RGS22: variants seen among roughly 807,000 people sequenced by gnomAD.
The protein encoded by RGS22 is regulator of G-protein signaling 22.
RGS22 carries 148 observed loss-of-function variants against 172.9 expected under a neutral mutation model. That is an observed-to-expected ratio of 0.86 (90% CI 0.75 to 0.98). RGS22 has a LOEUF of 0.98. Ranked by LOEUF, RGS22 falls within the 50% of genes least tolerant of loss-of-function variation. The pLI is 0.00. For missense variants in RGS22, 1,347 were observed against 1,440.8 expected (o/e 0.93, Z 1.05); for synonymous variants, 458 against 480.2 (o/e 0.95, Z 0.60).
chr8:99,990,280 A>G (rs547888521), intron 20 of RGS22, among the ~76,000 whole-genome samples: 41 of 152,250 alleles, frequency 2.7e-4, no homozygotes, highest in African/African-American at 9.6e-4. Flanking sequence ...AATAAAAAAT[A>G]ATTTTTTAAA....
intron 23 of RGS22, among the ~76,000 whole-genome samples, chr8:99,976,552 G>A (rs1223482323): frequency 3.9e-5 from 6 of 151,938 alleles, no homozygotes; most frequent in South Asian, 2.1e-4. Flanking sequence ...TAGTAGAGAC[G>A]GGGTTTCACC....
At position 100,008,405 on chromosome 8, in the gene RGS22, C is replaced by T; in HGVS notation, c.2331G>A (p.Met777Ile). The T allele has an allele frequency of 6.2e-7, 1 of 1,610,368 alleles. No homozygotes were observed. Among genetic ancestry groups the T allele is most frequent in the Non-Finnish European group, 8.5e-7 (1 of 1,179,266 alleles). ...TATAAGCAATTTGGTCCGATTTTAC[C>T]ATCTTTGTCCATGGCTCAAGAAGGA... ...LLLLLEPWTK[M>I]VKSDQIAYKK... Residue 777 changes from methionine to isoleucine, a missense_variant, in exon 15 of 28, where the codon ATG becomes ATA. Transcript: ENST00000360863.
chr8:100,025,197 T>C (rs1357379577), intron 14 of RGS22, among the ~76,000 whole-genome samples: 1 of 152,166 alleles, frequency 6.6e-6, no homozygotes, highest in Non-Finnish European at 1.5e-5. Context: ...GAACCCACTT[T>C]ACTAGCAAAC....
chr8:99,986,715 G>C (rs758619041), intron 21 of RGS22, among the ~76,000 whole-genome samples: 3 of 152,014 alleles, frequency 2.0e-5, no homozygotes, highest in Non-Finnish European at 4.4e-5. Context: ...TTAAGAATTT[G>C]GCTATTCTTT....
intron 18 of RGS22, 50 bp from the exon 19 acceptor site, chr8:99,999,470 C>T (rs771293097): frequency 1.4e-5 from 22 of 1,575,922 alleles, no homozygotes; most frequent in Middle Eastern, 1.7e-4. Flanking sequence ...CTAAAAGAAA[C>T]ACTAATAGTC....
chr8:100,041,603 C>T (rs1820127917), intron 12 of RGS22, among the ~76,000 whole-genome samples, 199 bp downstream of exon 12: 1 of 151,862 alleles, frequency 6.6e-6, no homozygotes, highest in Non-Finnish European at 1.5e-5. Flanking sequence ...GTAATCAATG[C>T]AGTATATAGA....
intron 15 of RGS22, among the ~76,000 whole-genome samples, chr8:100,007,872 G>A (rs952932422): frequency 6.6e-6 from 1 of 151,540 alleles, no homozygotes; most frequent in African/African-American, 2.4e-5. Context: ...ATTCAAGTGG[G>A]TAAATACTTT....
rs574180242 is a variant in RGS22, at chr8:100,020,290, C to T, written c.2167-11721G>A. ...CAGCCGCTAGGAAAAAGAGATATTC[C>T]ACAAAAGCCATGGCACTATTTCATA... On this transcript the variant is annotated intron_variant, in intron 14 of 27. Coordinates refer to ENST00000360863, the MANE Select transcript of RGS22 (RefSeq NM_015668.5). Among the ~76,000 whole-genome samples the T allele has an allele frequency of 9.9e-5, 15 of 152,242 alleles. No individual in the cohort carries two copies. The South Asian group carries it at 3.1e-3, about 32-fold the overall frequency.
Position 100,071,527 on chromosome 8 carries a change from A to G in RGS22, c.436T>C (p.Leu146=). 1.9e-6 allele frequency: 3 copies of G among 1,600,094 alleles called. No homozygotes were observed. The highest frequency in any genetic ancestry group is 2.6e-6 in the Non-Finnish European group (3 of 1,174,802). ...TTGCTCCATCTTACTTGTGAGACCA[A>G]TTTGGCTAACCTGCATTTTAGAAAT... ...DCYFEYRLAK[L]VSQVRWSKSG... The change falls in exon 6 of 28, where the codon TTG becomes CTG. Residue 146 remains leucine (L), a synonymous_variant. Transcript: ENST00000360863.
intron 14 of RGS22, among the ~76,000 whole-genome samples, chr8:100,017,138 T>G (rs1817077546): frequency 6.6e-6 from 1 of 151,842 alleles, no homozygotes; most frequent in Non-Finnish European, 1.5e-5. Context: ...GCTCCACTAA[T>G]TTTTAAAAAA....
chr8:100,028,343 C>A (rs1818398398), intron 14 of RGS22, among the ~76,000 whole-genome samples: 1 of 150,882 alleles, frequency 6.6e-6, no homozygotes, highest in African/African-American at 2.4e-5. Context: ...TCTAGGCTGC[C>A]AAGATACCAG....
intron 9 of RGS22, among the ~76,000 whole-genome samples, chr8:100,056,422 G>A (rs1294396765): frequency 6.6e-6 from 1 of 152,184 alleles, no homozygotes; most frequent in Non-Finnish European, 1.5e-5. Context: ...CCAAGACAAT[G>A]GAGAAAATGT....
chr8:100,067,501 C>A (rs1422471963), intron 6 of RGS22, among the ~76,000 whole-genome samples: 1 of 151,878 alleles, frequency 6.6e-6, no homozygotes, highest in Non-Finnish European at 1.5e-5. Context: ...TTCAGAGAGA[C>A]CAACATACAA....
In RGS22 at chr8:100,051,713, A is replaced by C. The variant is rs1399615021; in HGVS notation, c.1689+1089T>G. 7.7e-5 allele frequency among the ~76,000 whole-genome samples: 3 copies of C among 38,754 alleles called. 1 individual carries two copies. In the African/African-American group the frequency reaches 8.1e-4, roughly 10 times the overall value. 25.4% of individuals were successfully genotyped at this position (38,754 alleles called of 152,430 possible). On this transcript the variant is annotated intron_variant, in intron 10 of 27. Transcript: ENST00000360863. ...TATATTTATATATACGTATATATAAATATATATTTATATATACGTATATAT... is the reference window on the plus strand; with the variant it reads ...TATATTTATATATACGTATATATAACTATATATTTATATATACGTATATAT...
chr8:100,080,493 G>A (rs1224686824), intron 3 of RGS22, 138 bp from the exon 4 acceptor site: 1 of 667,564 alleles, frequency 1.5e-6, no homozygotes, highest in East Asian at 2.7e-5. Context: ...TTCCTTTTTA[G>A]GAGCTAGGAA....
At chr8:99,996,423 AAAACTT>A (rs1363322532) in intron 20 of RGS22, 33 bp downstream of exon 20, 1 of 1,554,312 alleles carries the variant, frequency 6.4e-7, no homozygotes, top group Non-Finnish European at 8.9e-7. Context: ...TTGACAGAGC[AAAACTT>A]ACAAGAGGAA....
intron 23 of RGS22, among the ~76,000 whole-genome samples, chr8:99,966,338 T>A (rs556228386): frequency 6.6e-6 from 1 of 152,180 alleles, no homozygotes; most frequent in African/African-American, 2.4e-5. Flanking sequence ...ATACACTATT[T>A]GGGTGATGAG....
intron 15 of RGS22, among the ~76,000 whole-genome samples, chr8:100,006,919 T>C (rs919931890): frequency 1.3e-5 from 2 of 151,852 alleles, no homozygotes; most frequent in African/African-American, 2.4e-5. Context: ...AAGTTAGTTA[T>C]AATTCCAAAT....
At chr8:100,099,648 T>C (rs768513934) in intron 2 of RGS22, among the ~76,000 whole-genome samples, 28 of 152,344 alleles carry the variant, frequency 1.8e-4, no homozygotes, top group Admixed American at 7.2e-4. Flanking sequence ...TCAATGGGAC[T>C]GTTAACAGTT....
Sources: allele counts gnomAD v4.1 joint callset (sites outside exome capture counted in the v4.1 genomes callset), GRCh38; gene constraint gnomAD v4.1.1; transcripts MANE v1.5; gene names NCBI Gene and HGNC (gene_info 2026-07-23, HGNC 2026-07-21).